Variants in PEAK1 observed in about 807,000 individuals in gnomAD.
The protein encoded by PEAK1 is pseudopodium enriched atypical kinase 1.
Under a neutral mutation model 124.7 loss-of-function variants are expected in PEAK1, and 54 were observed. That is an observed-to-expected ratio of 0.43 (90% CI 0.35 to 0.54). The LOEUF (loss-of-function observed/expected upper bound fraction) is 0.54. Among genes scored for constraint, PEAK1 ranks in the 20% least tolerant of loss-of-function variants. PEAK1 has a pLI of 0.01. For missense variants in PEAK1, 2,046 were observed against 2,134.5 expected (o/e 0.96, Z 0.82); for synonymous variants, 719 against 760.0 (o/e 0.95, Z 0.89).
intron 6 of PEAK1, among the ~76,000 whole-genome samples, chr15:77,205,560 A>C (rs1005233466): frequency 6.6e-6 from 1 of 152,214 alleles, no homozygotes; most frequent in African/African-American, 2.4e-5. Context: ...CTCCTGGCTC[A>C]TGGCTCTCCT....
intron 2 of PEAK1, among the ~76,000 whole-genome samples, chr15:77,290,661 C>T (rs2063167106): frequency 6.6e-6 from 1 of 152,084 alleles, no homozygotes; most frequent in Non-Finnish European, 1.5e-5. Context: ...GCAATCCTCC[C>T]GCCTCAGCCT....
At chr15:77,143,484 A>T (rs895554666) in intron 8 of PEAK1, among the ~76,000 whole-genome samples, 1 of 152,192 alleles carries the variant, frequency 6.6e-6, no homozygotes, top group Non-Finnish European at 1.5e-5. Flanking sequence ...TCAAGCAAAG[A>T]AAGTGAGCCT....
intron 6 of PEAK1, among the ~76,000 whole-genome samples, chr15:77,246,506 C>T (rs1461192731): frequency 6.6e-6 from 1 of 151,980 alleles, no homozygotes; most frequent in African/African-American, 2.4e-5. Flanking sequence ...CGGAGTAAGA[C>T]TTTGTCACAA....
chr15:77,150,309 C>T (rs1398317650), intron 8 of PEAK1, among the ~76,000 whole-genome samples: 2 of 152,016 alleles, frequency 1.3e-5, no homozygotes, highest in Non-Finnish European at 2.9e-5. Context: ...TGGTTAAACT[C>T]CTACTGGTTC....
intron 2 of PEAK1, chr15:77,333,209 T>G (rs1036222901): frequency 2.2e-6 from 2 of 910,716 alleles, no homozygotes; most frequent in Middle Eastern, 5.6e-4. Flanking sequence ...GGTCTTGAAC[T>G]CCTAGGCTCA....
chr15:77,130,163 T>C (rs1440326860), intron 9 of PEAK1, among the ~76,000 whole-genome samples: 9 of 152,138 alleles, frequency 5.9e-5, no homozygotes, highest in Non-Finnish European at 1.2e-4. Context: ...ACGGCAATAA[T>C]ACATAAAGTT....
intron 5 of PEAK1, among the ~76,000 whole-genome samples, chr15:77,253,619 T>C (rs893134389): frequency 6.6e-6 from 1 of 152,230 alleles, no homozygotes; most frequent in African/African-American, 2.4e-5. Context: ...ACCTTCATTT[T>C]TGAATGATAT....
intron 5 of PEAK1, among the ~76,000 whole-genome samples, chr15:77,258,658 A>G (rs2061290970): frequency 6.6e-6 from 1 of 152,208 alleles, no homozygotes; most frequent in African/African-American, 2.4e-5. Flanking sequence ...ATATACAATC[A>G]TGTCATCTGC....
chr15:77,396,812 AAGAG>A (rs1166618643), intron 1 of PEAK1, among the ~76,000 whole-genome samples: 3 of 152,096 alleles, frequency 2.0e-5, no homozygotes, highest in South Asian at 4.1e-4. Flanking sequence ...GCAAGCAAGC[AAGAG>A]AGAGAGAGAA....
chr15:77,417,083 T>C (rs1303235214), intron 1 of PEAK1, among the ~76,000 whole-genome samples: 2 of 152,110 alleles, frequency 1.3e-5, no homozygotes, highest in African/African-American at 2.4e-5. Context: ...AGATGCATTC[T>C]AGACACCCTC....
chr15:77,205,838 T>A (rs564140721), intron 6 of PEAK1, among the ~76,000 whole-genome samples: 5 of 151,952 alleles, frequency 3.3e-5, no homozygotes, highest in East Asian at 1.9e-4. Flanking sequence ...TTATTTTTTT[T>A]ATTATACTTT....
chr15:77,335,731 T>A (rs2066158486), intron 2 of PEAK1: 4 of 960,894 alleles, frequency 4.2e-6, no homozygotes, highest in Admixed American at 6.2e-5. Flanking sequence ...CCTCAAATAA[T>A]CCTCCCACTT....
At chr15:77,322,768 A>C (rs2065308208) in intron 2 of PEAK1, among the ~76,000 whole-genome samples, 1 of 152,220 alleles carries the variant, frequency 6.6e-6, no homozygotes, top group Non-Finnish European at 1.5e-5. Context: ...AATCCTCCCT[A>C]ACTCATTTTA....
intron 5 of PEAK1, among the ~76,000 whole-genome samples, chr15:77,273,064 C>T (rs2062121642): frequency 6.6e-6 from 1 of 152,102 alleles, no homozygotes; most frequent in Non-Finnish European, 1.5e-5. Flanking sequence ...TCCAGCATCC[C>T]TTTATGTATG....
chr15:77,412,603 G>C (rs1458904914), intron 1 of PEAK1, among the ~76,000 whole-genome samples: 1 of 151,986 alleles, frequency 6.6e-6, no homozygotes, highest in Non-Finnish European at 1.5e-5. Flanking sequence ...ATTGTACATG[G>C]ATACGTGGAT....
chr15:77,386,202 A>G (rs554043982), intron 1 of PEAK1, among the ~76,000 whole-genome samples: 2 of 152,346 alleles, frequency 1.3e-5, no homozygotes, highest in South Asian at 4.1e-4. Context: ...CAAAGTCACA[A>G]AACAAGCAAG....
intron 6 of PEAK1, among the ~76,000 whole-genome samples, chr15:77,191,809 G>C (rs2057847334): frequency 6.6e-6 from 1 of 152,098 alleles, no homozygotes; most frequent in Non-Finnish European, 1.5e-5. Context: ...TCCAGAGAAG[G>C]CCCCAAACTA....
intron 6 of PEAK1, among the ~76,000 whole-genome samples, chr15:77,196,429 A>G (rs1011886965): frequency 2.0e-5 from 3 of 152,184 alleles, no homozygotes; most frequent in African/African-American, 7.2e-5. Context: ...CTTCTATTTT[A>G]TACTATCTTG....
intron 2 of PEAK1, among the ~76,000 whole-genome samples, chr15:77,289,248 C>A (rs917644391): frequency 2.6e-5 from 4 of 152,070 alleles, no homozygotes; most frequent in Non-Finnish European, 5.9e-5. Flanking sequence ...AGAAGGTATC[C>A]CCACTGAATT....
Sources: allele counts gnomAD v4.1 joint callset (sites outside exome capture counted in the v4.1 genomes callset), GRCh38; gene constraint gnomAD v4.1.1; transcripts MANE v1.5; gene names NCBI Gene and HGNC (gene_info 2026-07-23, HGNC 2026-07-21).